The following CRADD variants were observed in gnomAD, a reference collection of about 807,000 sequenced individuals.
CRADD encodes CARD and death domain containing adaptor protein, also known as death domain-containing protein CRADD.
CRADD carries 9 observed loss-of-function variants against 15.5 expected under a neutral mutation model. The observed-to-expected ratio is 0.58, with a 90% CI of 0.35 to 1.01. CRADD has a LOEUF of 1.01. Ranked by LOEUF, CRADD falls within the 50% of genes least tolerant of loss-of-function variation. The pLI is 0.02. For missense variants in CRADD, 227 were observed against 250.3 expected (o/e 0.91, Z 0.63); for synonymous variants, 118 against 107.6 (o/e 1.10, Z -0.60).
rs577968083 is a variant in CRADD, at chr12:93,726,276, G to A, written c.298+47204G>A. ...CCACCACCATGCCCAGCTAATTTTT[G>A]TATTTTGATTAGAGATGGAGTTTCA... On this transcript the variant is annotated intron_variant, in intron 2 of 2. Transcript: ENST00000332896. Among the ~76,000 whole-genome samples the A allele has an allele frequency of 6.9e-3, 1,045 of 151,868 alleles. 10 individuals are homozygous for A. Among genetic ancestry groups the A allele is most frequent in the Non-Finnish European group, 9.2e-3 (628 of 67,896 alleles).
Position 93,875,163 on chromosome 12 carries a change from A to C in CRADD, c.299-18887A>C, listed in dbSNP as rs1247049628. On this transcript the variant is annotated intron_variant, in intron 2 of 2. Transcript: ENST00000548483. ...TTGCTGAATTGACCCCTTTAACATT[A>C]TTTAGTGACTTTCTTTGTTTCTTCT... Among the ~76,000 whole-genome samples, 3 of 152,020 alleles carry C rather than the reference A, an allele frequency of 2.0e-5. No homozygotes were observed. In the East Asian group the frequency reaches 5.8e-4, roughly 29 times the overall value.
At chr12:93,770,893 A>T (rs987947497) in intron 2 of CRADD, among the ~76,000 whole-genome samples, 2 of 152,222 alleles carry the variant, frequency 1.3e-5, no homozygotes, top group Non-Finnish European at 2.9e-5. Flanking sequence ...AAATCTATAG[A>T]TCAATTGCTT....
intron 2 of CRADD, among the ~76,000 whole-genome samples, chr12:93,750,645 A>G (rs1227003428): frequency 6.6e-6 from 1 of 152,078 alleles, no homozygotes; most frequent in Non-Finnish European, 1.5e-5. Context: ...TTTCTTAGCC[A>G]ATTTACTGTT....
intron 2 of CRADD, chr12:93,738,629 C>A: frequency 1.8e-6 from 1 of 561,762 alleles, no homozygotes; most frequent in Non-Finnish European, 3.2e-6. Flanking sequence ...AAACTGATGT[C>A]ATTGTAACCT....
intron 2 of CRADD, among the ~76,000 whole-genome samples, chr12:93,696,692 A>G (rs1955714078): frequency 6.6e-6 from 1 of 152,166 alleles, no homozygotes; most frequent in African/African-American, 2.4e-5. Context: ...TTAACAACCT[A>G]CAGTTGGCCC....
intron 2 of CRADD, among the ~76,000 whole-genome samples, chr12:93,736,169 G>A (rs914715234): frequency 6.6e-6 from 1 of 152,098 alleles, no homozygotes; most frequent in Admixed American, 6.6e-5. Context: ...CTTTTGGGGA[G>A]CATGACATAT....
At chr12:93,825,664 A>G (rs1957815494) in intron 2 of CRADD, among the ~76,000 whole-genome samples, 1 of 152,172 alleles carries the variant, frequency 6.6e-6, no homozygotes, top group Admixed American at 6.5e-5. Flanking sequence ...AGGAGATAAA[A>G]CATAGGGCTG....
rs148455969 is a variant in CRADD at position 93,870,464 on chromosome 12, G to A, written c.299-23586G>A. ...GGGGCTACAGTTTTACCCTCAGAAG[G>A]GCAGGCTACTGACATTTTTTTGTCC... On this transcript the variant is annotated intron_variant, in intron 2 of 2. Coordinates refer to the CRADD transcript ENST00000548483. Among the ~76,000 whole-genome samples, 320 of 152,200 alleles carry A rather than the reference G, an allele frequency of 2.1e-3. 1 individual carries two copies. Among genetic ancestry groups the A allele is most frequent in the African/African-American group, 6.5e-3 (271 of 41,524 alleles).
At chr12:93,835,562 A>T (rs945583480) in intron 2 of CRADD, among the ~76,000 whole-genome samples, 1 of 152,162 alleles carries the variant, frequency 6.6e-6, no homozygotes, top group African/African-American at 2.4e-5. Flanking sequence ...AGGAATACTC[A>T]TTAATCTTTC....
intron 2 of CRADD, among the ~76,000 whole-genome samples, chr12:93,682,995 A>C (rs1955353428): frequency 6.6e-6 from 1 of 152,232 alleles, no homozygotes; most frequent in Non-Finnish European, 1.5e-5. Flanking sequence ...CACATACTAG[A>C]CATTAGATCA....
intron 2 of CRADD, among the ~76,000 whole-genome samples, chr12:93,764,736 T>G (rs754796553): frequency 0.15 from 6,490 of 44,508 alleles, 198 homozygotes; most frequent in South Asian, 0.28. Flanking sequence ...ATTTTTGGTT[T>G]TTTTTTTTTG....
At position 93,801,847 on chromosome 12, in the gene CRADD, C is replaced by T. The variant is rs56974215; in HGVS notation, c.299-48123C>T. ...CCAGTATGTTGTCTTTTATACCTCA[C>T]CCCCTCCCATCCGGCCACAACAAGT... On this transcript the variant is annotated intron_variant, in intron 2 of 2. Transcript: ENST00000332896. 9.5e-3 allele frequency among the ~76,000 whole-genome samples: 1,449 copies of T among 152,240 alleles called. 19 individuals are homozygous for T. The highest frequency in any genetic ancestry group is 0.033 in the African/African-American group (1,356 of 41,528).
At chr12:93,729,307 A>G (rs1956422919) in intron 2 of CRADD, among the ~76,000 whole-genome samples, 1 of 152,244 alleles carries the variant, frequency 6.6e-6, no homozygotes, top group Non-Finnish European at 1.5e-5. Flanking sequence ...AGTCATTTAG[A>G]GGAAGAAAAG....
At chr12:93,754,965 T>TA (rs781689250) in intron 2 of CRADD, among the ~76,000 whole-genome samples, 186 of 142,294 alleles carry the variant, frequency 1.3e-3, no homozygotes, top group Middle Eastern at 7.2e-3. Flanking sequence ...GGTAATTCAT[T>TA]AAAAAAAAAA....
chr12:93,848,832 A>G (rs1438569924), intron 2 of CRADD: 2 of 152,108 alleles, frequency 1.3e-5, no homozygotes, highest in African/African-American at 4.8e-5. Flanking sequence ...CATTCACTCA[A>G]TGTCATGCTT....
chr12:93,764,635 A>G (rs1221269185), intron 2 of CRADD, among the ~76,000 whole-genome samples: 4 of 151,968 alleles, frequency 2.6e-5, no homozygotes, highest in Non-Finnish European at 4.4e-5. Flanking sequence ...ATTGCTCTGG[A>G]AATTGACCTT....
chr12:93,732,363 A>G (rs777493114), intron 2 of CRADD, among the ~76,000 whole-genome samples: 1 of 152,170 alleles, frequency 6.6e-6, no homozygotes, highest in Non-Finnish European at 1.5e-5. Flanking sequence ...ACAGATTTTT[A>G]AATTACTTAC....
At chr12:93,800,639 C>T (rs964100239) in intron 2 of CRADD, among the ~76,000 whole-genome samples, 13 of 152,080 alleles carry the variant, frequency 8.5e-5, no homozygotes, top group African/African-American at 2.7e-4. Flanking sequence ...TTCCCCTTTG[C>T]CTTCTGCCAT....
intron 2 of CRADD, among the ~76,000 whole-genome samples, chr12:93,734,609 G>C (rs1956530781): frequency 6.6e-6 from 1 of 152,182 alleles, no homozygotes; most frequent in African/African-American, 2.4e-5. Flanking sequence ...TGTTCCCGCT[G>C]CTCTTAGAAT....
Sources: gnomAD v4.1 joint callset for allele counts (sites outside exome capture counted in the v4.1 genomes callset) on GRCh38, gnomAD v4.1.1 for gene constraint, MANE v1.5 for transcripts, NCBI Gene and HGNC (gene_info 2026-07-23, HGNC 2026-07-21) for gene names.